The following TENT2 variants were observed in gnomAD, a reference collection of about 807,000 sequenced individuals.
TENT2 encodes the protein poly(A) RNA polymerase GLD2.
Under a neutral mutation model 72.2 loss-of-function variants are expected in TENT2, and 44 were observed. That is an observed-to-expected ratio of 0.61 (90% CI 0.48 to 0.78). The LOEUF (loss-of-function observed/expected upper bound fraction) is 0.78. Ranked by LOEUF, TENT2 falls within the 30% of genes least tolerant of loss-of-function variation. The pLI is 0.00. For synonymous variants in TENT2, 212 were observed against 192.5 expected (o/e 1.10, Z -0.84); for missense variants, 541 against 569.6 (o/e 0.95, Z 0.51).
chr5:79,679,647 G>C lies in TENT2; in HGVS notation c.1277G>C (p.Arg426Thr). ...AIPRPDGIEWRNKYICVEEPF... is the reference protein window; with the variant it reads ...AIPRPDGIEWTNKYICVEEPF... ...CCAAGGCCTGATGGTATTGAATGGA[G>C]AAATAAATACATCTGTGTAGAAGGT... is the stretch of plus-strand genomic sequence containing the variant. The change falls in exon 13 of 15, where the codon AGA becomes ACA. Residue 426 changes from arginine to threonine, a missense_variant. Coordinates refer to ENST00000453514, the MANE Select transcript of TENT2 (RefSeq NM_001114394.3). 6.3e-7 allele frequency: 1 copy of C among 1,595,640 alleles called. No homozygotes were observed. Among genetic ancestry groups the C allele is most frequent in the Non-Finnish European group, 8.6e-7 (1 of 1,169,394 alleles).
At chr5:79,674,276 C>G (rs998923797) in intron 12 of TENT2, among the ~76,000 whole-genome samples, 42 of 152,004 alleles carry the variant, frequency 2.8e-4, no homozygotes, top group Non-Finnish European at 3.4e-4. Context: ...CAGCTACTCA[C>G]GAGGCTGAGG....
chr5:79,683,676 G>A (rs1475277375), intron 14 of TENT2, among the ~76,000 whole-genome samples: 2 of 151,984 alleles, frequency 1.3e-5, no homozygotes, highest in African/African-American at 4.8e-5. Context: ...AGCACTTTGG[G>A]AGGCCGAGGC....
At chr5:79,655,527 A>G (rs965701330) in intron 10 of TENT2, among the ~76,000 whole-genome samples, 2 of 152,094 alleles carry the variant, frequency 1.3e-5, no homozygotes, top group Non-Finnish European at 2.9e-5. Context: ...AAGCTAATTT[A>G]TTGTAAGATT....
At chr5:79,665,097 C>T (rs1051175439) in intron 11 of TENT2, among the ~76,000 whole-genome samples, 19 of 152,274 alleles carry the variant, frequency 1.2e-4, no homozygotes, top group Middle Eastern at 3.4e-3. Context: ...GACCTACCTG[C>T]GTGCAATTCA....
chr5:79,673,991 G>A (rs1367202604), intron 12 of TENT2, among the ~76,000 whole-genome samples: 1 of 152,136 alleles, frequency 6.6e-6, no homozygotes, highest in African/African-American at 2.4e-5. Flanking sequence ...AAAGGAATAT[G>A]TATTGTTAAA....
intron 11 of TENT2, among the ~76,000 whole-genome samples, chr5:79,661,464 G>T (rs960439468): frequency 6.6e-6 from 1 of 152,158 alleles, no homozygotes; most frequent in Non-Finnish European, 1.5e-5. Context: ...CAGGTGTGTA[G>T]CCTGTGCAGG....
chr5:79,681,031 C>G (rs1016235721), intron 13 of TENT2, among the ~76,000 whole-genome samples: 3 of 151,774 alleles, frequency 2.0e-5, no homozygotes, highest in African/African-American at 7.3e-5. Context: ...ATATTGGAGA[C>G]ACACATACAT....
Position 79,688,036 on chromosome 5 carries a change from G to A in TENT2, c.*2763G>A, listed in dbSNP as rs112444267. Among the ~76,000 whole-genome samples the A allele has an allele frequency of 0.013, 1,904 of 152,230 alleles. 25 individuals are homozygous for A. The highest frequency in any genetic ancestry group is 0.016 in the Non-Finnish European group (1,121 of 67,998). On this transcript the variant is annotated 3_prime_UTR_variant, in exon 15 of 15. Transcript: ENST00000453514. Reference sequence around the variant, plus strand: ...TGCTAAACCTGGTTTAGTGAGCTGTGGAAGCCTTGACTCTGCTGTTTTCCC... The same window carrying A: ...TGCTAAACCTGGTTTAGTGAGCTGTAGAAGCCTTGACTCTGCTGTTTTCCC...
chr5:79,620,927 T>C (rs964869679), intron 3 of TENT2, among the ~76,000 whole-genome samples: 1 of 148,816 alleles, frequency 6.7e-6, no homozygotes, highest in Non-Finnish European at 1.5e-5. Flanking sequence ...CAGGAGTCAA[T>C]TAATTTTAAT....
Position 79,685,310 on chromosome 5 carries a change from A to G in TENT2, c.*37A>G. 7.0e-7 allele frequency: 1 copy of G among 1,436,746 alleles called. No homozygotes were observed. Among genetic ancestry groups the G allele is most frequent in the Non-Finnish European group, 9.6e-7 (1 of 1,045,528 alleles). The allele number at this position is 1,436,746 out of a possible 1,614,324, so 89.0% of individuals were successfully genotyped here. A position where few individuals can be genotyped will look rare whatever the true frequency, so the allele number is the denominator to read the frequency against. On this transcript the variant is annotated 3_prime_UTR_variant, in exon 15 of 15. Transcript: ENST00000453514. ...TTCTTAATAAATTCTTCCAAGAAAT[A>G]AAGAACAATAGTTTCATCATAATAC...
chr5:79,645,074 T>C, intron 7 of TENT2, 49 bp from the exon 8 acceptor site: 1 of 1,473,018 alleles, frequency 6.8e-7, no homozygotes, highest in South Asian at 1.3e-5. Flanking sequence ...TGGAACACTG[T>C]GAATTCTAGA....
intron 11 of TENT2, among the ~76,000 whole-genome samples, chr5:79,662,527 G>A (rs1803852437): frequency 6.6e-6 from 1 of 152,168 alleles, no homozygotes; most frequent in Admixed American, 6.5e-5. Flanking sequence ...TCCGTGGGCT[G>A]TAGAATGGAT....
At chr5:79,657,353 A>T (rs1300650070) in intron 11 of TENT2, among the ~76,000 whole-genome samples, 1 of 152,106 alleles carries the variant, frequency 6.6e-6, no homozygotes, top group East Asian at 1.9e-4. Context: ...TTCTTTAGTT[A>T]GTAACTCAGA....
At chr5:79,630,817 GTTT>G (rs34597540) in intron 4 of TENT2, among the ~76,000 whole-genome samples, 7 of 139,024 alleles carry the variant, frequency 5.0e-5, no homozygotes, top group African/African-American at 5.4e-5. Flanking sequence ...ACCTATTCAG[GTTT>G]TTTTTTTTTT....
intron 8 of TENT2, among the ~76,000 whole-genome samples, chr5:79,647,328 C>A (rs1789901707): frequency 6.6e-6 from 1 of 152,084 alleles, no homozygotes; most frequent in South Asian, 2.1e-4. Context: ...GAAGCAGGAA[C>A]TGTGGATATT....
At chr5:79,624,131 G>A (rs1426669235) in intron 4 of TENT2, among the ~76,000 whole-genome samples, 1 of 152,138 alleles carries the variant, frequency 6.6e-6, no homozygotes, top group Admixed American at 6.5e-5. Flanking sequence ...ATTGAGAGGG[G>A]TTTATAATGT....
intron 12 of TENT2, among the ~76,000 whole-genome samples, chr5:79,677,506 A>G (rs1007371648): frequency 1.3e-5 from 2 of 152,238 alleles, no homozygotes; most frequent in African/African-American, 4.8e-5. Flanking sequence ...TTGTATTTCA[A>G]TATTCCAAAC....
intron 4 of TENT2, among the ~76,000 whole-genome samples, chr5:79,637,040 C>A (rs1780673678): frequency 6.6e-6 from 1 of 152,054 alleles, no homozygotes; most frequent in Non-Finnish European, 1.5e-5. Context: ...TGTTACCCTG[C>A]AGCCTGGGCA....
At chr5:79,641,909 A>G (rs954809342) in intron 6 of TENT2, among the ~76,000 whole-genome samples, 1 of 151,802 alleles carries the variant, frequency 6.6e-6, no homozygotes, top group African/African-American at 2.4e-5. Context: ...TCATGTCAGC[A>G]CTCAGAAAGT....
Sources: allele counts gnomAD v4.1 joint callset (sites outside exome capture counted in the v4.1 genomes callset), GRCh38; gene constraint gnomAD v4.1.1; transcripts MANE v1.5; gene names NCBI Gene and HGNC (gene_info 2026-07-23, HGNC 2026-07-21).